Variants in KLRG2 observed in about 807,000 individuals in gnomAD.
KLRG2 encodes killer cell lectin like receptor G2, also known as killer cell lectin-like receptor subfamily G member 2.
KLRG2 carries 39 observed loss-of-function variants against 35.4 expected under a neutral mutation model. The ratio of observed to expected loss-of-function variants is 1.10; its 90% CI spans 0.85 to 1.44. The LOEUF (loss-of-function observed/expected upper bound fraction) is 1.44. KLRG2 is among the 40% of genes most tolerant of loss of function. KLRG2 has a pLI of 0.00. For synonymous variants in KLRG2, 283 were observed against 265.8 expected, an observed-to-expected ratio of 1.06 and a Z score of -0.63; for missense variants, 632 against 570.9, an observed-to-expected ratio of 1.11 and a Z score of -1.09.
chr7:139,447,162 G>T, the KLRG2 span, among the ~76,000 whole-genome samples: 1 of 152,062 alleles, frequency 6.6e-6, no homozygotes. Context: ...AATAGCATTT[G>T]AAAGAGATAG....
the KLRG2 span, among the ~76,000 whole-genome samples, chr7:139,434,682 A>T: frequency 6.6e-6 from 1 of 152,214 alleles, no homozygotes. Flanking sequence ...GTTGATCAGC[A>T]CGCTGTGTTC....
At chr7:139,438,477 A>C in the KLRG2 span, among the ~76,000 whole-genome samples, 1 of 152,014 alleles carries the variant, frequency 6.6e-6, no homozygotes, top group Non-Finnish European at 1.5e-5. Context: ...TTAGCCTCCT[A>C]AAGTATTGGG....
At position 139,479,618 on chromosome 7, in the gene KLRG2, C is replaced by G. The variant is rs371334163; in HGVS notation, c.1005+9G>C. 5.6e-6 allele frequency: 9 copies of G among 1,610,490 alleles called. No individual in the cohort carries two copies. The African/African-American group carries it at 1.2e-4, about 21-fold the overall frequency. On this transcript the variant is annotated intron_variant, in intron 3 of 4. Transcript: ENST00000340940. ...CTGTACCCCCTTAGATTGGACACCC[C>G]CTTCTCACCTGGGTGTGGCTTAGCA...
intron 1 of KLRG2, among the ~76,000 whole-genome samples, chr7:139,482,639 C>T (rs1363678039): frequency 1.3e-5 from 2 of 152,156 alleles, no homozygotes; most frequent in Admixed American, 1.3e-4. Context: ...GTGATCCGCC[C>T]GCCTCGGCTT....
chr7:139,474,748 G>A (rs1796819465), intron 3 of KLRG2, among the ~76,000 whole-genome samples: 1 of 151,984 alleles, frequency 6.6e-6, no homozygotes, highest in Non-Finnish European at 1.5e-5. Flanking sequence ...GCGACAGAGT[G>A]AAACTTTGTC....
In KLRG2 at chr7:139,483,004, C is replaced by A; in HGVS notation, c.639G>T (p.Pro213=). ...ASPAEGSAGS[P]GSPTCCRCKE... The stretch of plus-strand genomic sequence containing the variant: ...TGCAGCGGCAGCACGTGGGGGAGCC[C>A]GGGGAGCCGGCGCTTCCTTCCGCGG... Residue 213 remains proline (P), a synonymous_variant, in exon 1 of 5, where the codon CCG becomes CCT. Coordinates refer to ENST00000340940, the MANE Select transcript of KLRG2 (RefSeq NM_198508.4). The A allele has an allele frequency of 7.3e-7, 1 of 1,377,182 alleles. No homozygotes were observed. Among genetic ancestry groups the A allele is most frequent in the Non-Finnish European group, 9.3e-7 (1 of 1,073,464 alleles). 85.3% of individuals were successfully genotyped at this position (1,377,182 alleles called of 1,614,324 possible). A position where few individuals can be genotyped will look rare whatever the true frequency, so the allele number is the denominator to read the frequency against.
chr7:139,482,822 T>A, intron 1 of KLRG2, 64 bp downstream of exon 1: 1 of 1,326,854 alleles, frequency 7.5e-7, no homozygotes, highest in Non-Finnish European at 9.6e-7. Context: ...TGGGCGGGTG[T>A]GGGGGTTTCG....
chr7:139,442,881 T>C, the KLRG2 span, among the ~76,000 whole-genome samples: 1 of 151,396 alleles, frequency 6.6e-6, no homozygotes, highest in Admixed American at 6.6e-5. Context: ...TGCAGCACAA[T>C]TGAAAAGAAG....
intron 3 of KLRG2, among the ~76,000 whole-genome samples, chr7:139,460,750 C>T (rs928517600): frequency 6.7e-6 from 1 of 149,710 alleles, no homozygotes; most frequent in Non-Finnish European, 1.5e-5. Flanking sequence ...CTTGATGTCA[C>T]GAGTTTGAGA....
At position 139,460,539 on chromosome 7, in the gene KLRG2, C is replaced by T. The variant is rs181750807; in HGVS notation, c.1006-6325G>A. On this transcript the variant is annotated intron_variant, in intron 3 of 4. Coordinates refer to ENST00000340940, the MANE Select transcript of KLRG2 (RefSeq NM_198508.4). ...CTAAAAGTCAAAAAAATTAGCCAGG[C>T]GTGGTTCCAGCTACTCAGGAGGCTG... is the stretch of plus-strand genomic sequence containing the variant. Among the ~76,000 whole-genome samples, 184 of 151,790 alleles carry T rather than the reference C, an allele frequency of 1.2e-3. 1 individual carries two copies. Among genetic ancestry groups the T allele is most frequent in the African/African-American group, 4.3e-3 (176 of 41,400 alleles).
the KLRG2 span, among the ~76,000 whole-genome samples, chr7:139,442,603 T>A: frequency 2.2e-3 from 342 of 152,304 alleles, 2 homozygotes; most frequent in African/African-American, 7.8e-3. Flanking sequence ...CCCAGCACTT[T>A]GGGAGGCCAT....
At chr7:139,454,866 A>C (rs1403698411) in intron 3 of KLRG2, among the ~76,000 whole-genome samples, 3 of 145,106 alleles carry the variant, frequency 2.1e-5, no homozygotes, top group Admixed American at 6.9e-5. Flanking sequence ...AATAATAATA[A>C]CACACGCAGA....
chr7:139,450,502 G>T (rs1263272204), downstream of KLRG2, among the ~76,000 whole-genome samples: 1 of 151,900 alleles, frequency 6.6e-6, no homozygotes. Context: ...GGATTACAGG[G>T]GTGAGCCACT....
the KLRG2 span, among the ~76,000 whole-genome samples, chr7:139,435,257 A>AG: frequency 6.6e-6 from 1 of 152,184 alleles, no homozygotes; most frequent in Non-Finnish European, 1.5e-5. Flanking sequence ...TGGGAGGCCG[A>AG]GGGGAGTGGA....
In KLRG2 at chr7:139,483,258, G is replaced by A. The variant is rs868709265; in HGVS notation, c.385C>T (p.Arg129Cys). 1.9e-6 allele frequency: 3 copies of A among 1,556,048 alleles called. No individual in the cohort carries two copies. Among genetic ancestry groups the A allele is most frequent in the Non-Finnish European group, 2.6e-6 (3 of 1,162,610 alleles). The change falls in exon 1 of 5, where the codon CGC becomes TGC. Residue 129 changes from arginine (R) to cysteine (C), a missense_variant. By Grantham distance (180) the Arg-to-Cys change is radical. Transcript: ENST00000340940. ...CCGGCCGCGCCCACGGGCTTCACGC[G>A]CACATCTACCTGCAGCTCCATGGGC... ...WAPMELQVDV[R>C]VKPVGAAGGS...
At position 139,453,254 on chromosome 7, in the gene KLRG2, CTG is replaced by C. The variant is rs918585689; in HGVS notation, c.*331_*332del. The C allele has an allele frequency of 6.4e-6, 3 of 471,042 alleles. No homozygotes were observed. The Admixed American group carries it at 1.3e-4, about 20-fold the overall frequency. The allele number at this position is 471,042 out of a possible 1,614,324, so 29.2% of individuals were successfully genotyped here. A position where few individuals can be genotyped will look rare whatever the true frequency, so the allele number is the denominator to read the frequency against. On this transcript the variant is annotated 3_prime_UTR_variant, in exon 5 of 5. Coordinates refer to ENST00000340940, the MANE Select transcript of KLRG2 (RefSeq NM_198508.4). ...TTGGAATCCGCTGTGGTTGTTAACCCTGTCTTTTTCCTCTAGGGGGAAATTGT... is the reference window on the plus strand; with the variant it reads ...TTGGAATCCGCTGTGGTTGTTAACCCTCTTTTTCCTCTAGGGGGAAATTGT...
At chr7:139,445,539 G>A in the KLRG2 span, among the ~76,000 whole-genome samples, 3 of 151,900 alleles carry the variant, frequency 2.0e-5, no homozygotes, top group Non-Finnish European at 4.4e-5. Context: ...GAAACAGCTA[G>A]AGGGGAGTGA....
At chr7:139,451,429 G>A (rs143647850), downstream of KLRG2, among the ~76,000 whole-genome samples, 3,561 of 152,276 alleles carry the variant, frequency 0.023, 119 homozygotes, top group African/African-American at 0.081. Flanking sequence ...GAACCCAGGA[G>A]GCGGAGGTTG....
At chr7:139,454,313 A>G in intron 3 of KLRG2, 99 bp from the exon 4 acceptor site, 1 of 679,918 alleles carries the variant, frequency 1.5e-6, no homozygotes, top group East Asian at 2.7e-5. Context: ...CCAGCTGGCC[A>G]ATCCAGAAGG....
Sources: allele counts gnomAD v4.1 joint callset (sites outside exome capture counted in the v4.1 genomes callset), GRCh38; gene constraint gnomAD v4.1.1; transcripts MANE v1.5; gene names NCBI Gene and HGNC (gene_info 2026-07-23, HGNC 2026-07-21).